STXBP5L: variants seen among roughly 807,000 people sequenced by gnomAD.
STXBP5L encodes the protein syntaxin-binding protein 5-like.
Under a neutral mutation model 144.5 loss-of-function variants are expected in STXBP5L, and 65 were observed. That is an observed-to-expected ratio of 0.45 (90% CI 0.37 to 0.55). The LOEUF is 0.55. STXBP5L is among the 20% of genes least tolerant of loss of function. The pLI, the probability that STXBP5L is intolerant of heterozygous loss-of-function variation, is 0.00. For synonymous variants in STXBP5L, 505 were observed against 469.6 expected, an observed-to-expected ratio of 1.08 and a Z score of -0.97; for missense variants, 1,298 against 1,405.5, an observed-to-expected ratio of 0.92 and a Z score of 1.22.
At chr3:121,308,354 A>G (rs2043413609) in intron 19 of STXBP5L, among the ~76,000 whole-genome samples, 1 of 152,240 alleles carries the variant, frequency 6.6e-6, no homozygotes, top group African/African-American at 2.4e-5. Context: ...AAAAACTGAG[A>G]GAATTTATTA....
chr3:121,235,261 C>T (rs2049439225), intron 12 of STXBP5L, among the ~76,000 whole-genome samples: 1 of 151,978 alleles, frequency 6.6e-6, no homozygotes, highest in East Asian at 1.9e-4. Context: ...AAATGGTTAC[C>T]TCTCAGCTAT....
intron 20 of STXBP5L, among the ~76,000 whole-genome samples, chr3:121,372,945 A>G (rs2046075581): frequency 6.6e-6 from 1 of 152,250 alleles, no homozygotes; most frequent in Non-Finnish European, 1.5e-5. Flanking sequence ...TTTTAAAAGA[A>G]TAAGTAAATT....
chr3:121,048,230 G>A (rs1179263714), intron 5 of STXBP5L, among the ~76,000 whole-genome samples: 4 of 152,036 alleles, frequency 2.6e-5, no homozygotes, highest in Non-Finnish European at 1.5e-5. Context: ...TTAGCCTGAT[G>A]GGGTTTCCTT....
At chr3:121,030,790 T>A (rs899559446) in intron 3 of STXBP5L, among the ~76,000 whole-genome samples, 4 of 152,106 alleles carry the variant, frequency 2.6e-5, no homozygotes, top group Non-Finnish European at 2.9e-5. Flanking sequence ...AAGATTTTGA[T>A]GCATGATAAA....
chr3:121,311,650 T>C (rs1056795755), intron 19 of STXBP5L, among the ~76,000 whole-genome samples: 9 of 152,132 alleles, frequency 5.9e-5, no homozygotes, highest in Admixed American at 4.6e-4. Context: ...GTGAAGGACC[T>C]CTTCAAGGAG....
At chr3:121,342,507 C>G (rs1274380762) in intron 20 of STXBP5L, among the ~76,000 whole-genome samples, 2 of 131,854 alleles carry the variant, frequency 1.5e-5, no homozygotes, top group Non-Finnish European at 3.2e-5. Flanking sequence ...CTCCCCCCAC[C>G]CCACAACGGT....
At chr3:121,210,241 A>T (rs1050333782) in intron 10 of STXBP5L, among the ~76,000 whole-genome samples, 2 of 152,176 alleles carry the variant, frequency 1.3e-5, no homozygotes, top group Non-Finnish European at 2.9e-5. Context: ...TCTTTTGAGA[A>T]GTGTCTGTTC....
At chr3:120,963,205 A>G (rs1939087521) in intron 3 of STXBP5L, among the ~76,000 whole-genome samples, 1 of 152,208 alleles carries the variant, frequency 6.6e-6, no homozygotes, top group Admixed American at 6.5e-5. Flanking sequence ...TAAATATACA[A>G]TCATGTCATC....
At chr3:121,041,126 A>G (rs540630997) in intron 3 of STXBP5L, among the ~76,000 whole-genome samples, 9 of 150,386 alleles carry the variant, frequency 6.0e-5, no homozygotes, top group African/African-American at 2.0e-4. Context: ...TATGTTATGT[A>G]GCATATGTAG....
chr3:121,379,861 A>T (rs1443984348), intron 21 of STXBP5L, among the ~76,000 whole-genome samples: 1 of 152,134 alleles, frequency 6.6e-6, no homozygotes, highest in Non-Finnish European at 1.5e-5. Flanking sequence ...AAGAGTTAGG[A>T]TCTCATTCTG....
intron 20 of STXBP5L, among the ~76,000 whole-genome samples, chr3:121,346,900 A>G (rs1426092641): frequency 2.4e-4 from 37 of 152,140 alleles, no homozygotes; most frequent in African/African-American, 8.7e-4. Context: ...CATTCTGTAC[A>G]TTGCCTGTTC....
chr3:121,021,953 A>T (rs1234815500), intron 3 of STXBP5L, among the ~76,000 whole-genome samples: 1 of 152,182 alleles, frequency 6.6e-6, no homozygotes, highest in African/African-American at 2.4e-5. Context: ...AAACTAAAAA[A>T]TATACAAAAG....
intron 3 of STXBP5L, among the ~76,000 whole-genome samples, chr3:120,986,216 G>T (rs181226741): frequency 3.5e-4 from 53 of 151,846 alleles, no homozygotes; most frequent in African/African-American, 1.2e-3. Flanking sequence ...TACATCTGTT[G>T]ATTTCTAACT....
chr3:121,006,127 G>A (rs1327898914), intron 3 of STXBP5L, among the ~76,000 whole-genome samples: 2 of 150,710 alleles, frequency 1.3e-5, no homozygotes, highest in Non-Finnish European at 2.9e-5. Flanking sequence ...CTGTCTCGTT[G>A]TTCTGTCTAA....
At chr3:121,061,737 T>C (rs1475835162) in intron 5 of STXBP5L, among the ~76,000 whole-genome samples, 1 of 152,216 alleles carries the variant, frequency 6.6e-6, no homozygotes, top group Non-Finnish European at 1.5e-5. Context: ...CTTCTTTGTC[T>C]CTGTTGATCT....
intron 3 of STXBP5L, among the ~76,000 whole-genome samples, chr3:120,967,123 G>A (rs558035977): frequency 7.9e-5 from 12 of 152,142 alleles, no homozygotes; most frequent in South Asian, 6.2e-4. Context: ...AGAGAGAATC[G>A]CCTTGTCTGC....
intron 3 of STXBP5L, among the ~76,000 whole-genome samples, chr3:121,036,186 A>C (rs1946740078): frequency 6.6e-6 from 1 of 152,116 alleles, no homozygotes; most frequent in Non-Finnish European, 1.5e-5. Context: ...TGCAAAGATT[A>C]GCTGGGCACG....
chr3:121,238,109 G>A (rs1254834683), intron 12 of STXBP5L, among the ~76,000 whole-genome samples: 8 of 151,946 alleles, frequency 5.3e-5, no homozygotes, highest in East Asian at 1.9e-4. Context: ...TAGCAACACC[G>A]CGCTCCTTAG....
At chr3:121,385,284 ATGG>A (rs1432430584) in intron 22 of STXBP5L, among the ~76,000 whole-genome samples, 1 of 152,118 alleles carries the variant, frequency 6.6e-6, no homozygotes, top group Non-Finnish European at 1.5e-5. Context: ...GCTTCCAGTC[ATGG>A]TGGAAGGCAA....
Sources: allele counts gnomAD v4.1 joint callset (sites outside exome capture counted in the v4.1 genomes callset), GRCh38; gene constraint gnomAD v4.1.1; transcripts MANE v1.5; gene names NCBI Gene and HGNC (gene_info 2026-07-23, HGNC 2026-07-21).